OR1F1: variants seen among roughly 807,000 people sequenced by gnomAD.
OR1F1 encodes olfactory receptor 1F1.
For missense variants in OR1F1, 493 were observed against 376.3 expected, an observed-to-expected ratio of 1.31 and a Z score of -2.57; for synonymous variants, 184 against 156.7, an observed-to-expected ratio of 1.17 and a Z score of -1.30.
At chr16:3,205,269 G>A (rs1159152013), downstream of OR1F1, 2 of 966,472 alleles carry the variant, frequency 2.1e-6, no homozygotes, top group Admixed American at 5.0e-5. Context: ...TTCATTAAAT[G>A]ATGTTCTTGC....
At chr16:3,198,625 G>T in the OR1F1 span, among the ~76,000 whole-genome samples, 4 of 152,164 alleles carry the variant, frequency 2.6e-5, no homozygotes, top group Admixed American at 6.6e-5. Context: ...TGTACTTCAG[G>T]TGAAAGGGTA....
In OR1F1 at chr16:3,204,781, T is replaced by C. The variant is rs151087256; in HGVS notation, c.535T>C (p.Cys179Arg). The change falls in exon 1 of 1, where the codon TGC becomes CGC. Residue 179 changes from cysteine (C) to arginine (R), a missense_variant. By Grantham distance (180) the Cys-to-Arg change is radical. Coordinates refer to ENST00000304646, the Ensembl canonical transcript of OR1F1. The stretch of plus-strand genomic sequence containing the variant: ...AGACAATGCCATCACTCACTTCTTC[T>C]GCGATGTGACTCCCCTACTGAAACT... The C allele has an allele frequency of 4.4e-5, 71 of 1,614,142 alleles. 1 individual carries two copies. The highest frequency in any genetic ancestry group is 1.3e-4 in the African/African-American group (10 of 75,010).
At chr16:3,200,368 A>G (rs1958123101), upstream of OR1F1, among the ~76,000 whole-genome samples, 1 of 152,170 alleles carries the variant, frequency 6.6e-6, no homozygotes, top group Non-Finnish European at 1.5e-5. Context: ...CCACTTTCGG[A>G]GGCCGAGAGG....
At chr16:3,189,970 T>G in the OR1F1 span, among the ~76,000 whole-genome samples, 30 of 152,148 alleles carry the variant, frequency 2.0e-4, no homozygotes, top group African/African-American at 7.2e-4. Flanking sequence ...GTTTTGTTTT[T>G]TGTTACTTCT....
the OR1F1 span, among the ~76,000 whole-genome samples, chr16:3,198,640 C>T: frequency 1.3e-5 from 2 of 152,078 alleles, no homozygotes; most frequent in Non-Finnish European, 2.9e-5. Flanking sequence ...AGGGTAGTGG[C>T]GAGGTCCTGC....
upstream of OR1F1, among the ~76,000 whole-genome samples, chr16:3,200,294 G>A (rs1297866936): frequency 2.0e-5 from 3 of 152,094 alleles, no homozygotes; most frequent in Non-Finnish European, 2.9e-5. Flanking sequence ...TCTCCACCCA[G>A]GGATATGTTT....
At chr16:3,190,965 C>T in the OR1F1 span, among the ~76,000 whole-genome samples, 1 of 152,036 alleles carries the variant, frequency 6.6e-6, no homozygotes, top group Admixed American at 6.6e-5. Context: ...AAAAAACAAC[C>T]AAATAGTTCT....
the OR1F1 span, among the ~76,000 whole-genome samples, chr16:3,192,732 C>T: frequency 6.6e-6 from 1 of 152,074 alleles, no homozygotes; most frequent in African/African-American, 2.4e-5. Context: ...TAGAATCTCC[C>T]GGGCCGCCTC....
chr16:3,206,491 C>T (rs1567207954), downstream of OR1F1, among the ~76,000 whole-genome samples: 1 of 152,166 alleles, frequency 6.6e-6, no homozygotes, highest in Admixed American at 6.5e-5. Context: ...TAAAAACCTC[C>T]TGGTTTTGCG....
At chr16:3,192,059 C>A in the OR1F1 span, among the ~76,000 whole-genome samples, 13 of 152,108 alleles carry the variant, frequency 8.5e-5, no homozygotes, top group South Asian at 4.2e-4. Flanking sequence ...CCGGACGAGC[C>A]CCTCTTCTTA....
At chr16:3,195,657 C>G in the OR1F1 span, among the ~76,000 whole-genome samples, 3 of 128,162 alleles carry the variant, frequency 2.3e-5, no homozygotes, top group African/African-American at 6.3e-5. Flanking sequence ...ATTACAAGCC[C>G]GGGGGACAGA....
At chr16:3,195,109 C>A in the OR1F1 span, among the ~76,000 whole-genome samples, 4 of 152,218 alleles carry the variant, frequency 2.6e-5, no homozygotes, top group African/African-American at 9.6e-5. Flanking sequence ...CGCATCCCGG[C>A]CCAGGAGGGT....
At chr16:3,198,714 C>T in the OR1F1 span, among the ~76,000 whole-genome samples, 4 of 152,108 alleles carry the variant, frequency 2.6e-5, no homozygotes, top group African/African-American at 7.2e-5. Context: ...CAGCGGTGGA[C>T]GCGGTGGCTC....
chr16:3,204,576 G>A (rs1169775143), exon 1 of OR1F1: 39 of 1,614,148 alleles, frequency 2.4e-5, no homozygotes, highest in Non-Finnish European at 3.3e-5. Context: ...TCGTGGACAT[G>A]GACAATTTCC....
chr16:3,189,311 A>G, the OR1F1 span, among the ~76,000 whole-genome samples: 11 of 152,156 alleles, frequency 7.2e-5, no homozygotes, highest in East Asian at 2.1e-3. Flanking sequence ...TGCTATTGGG[A>G]GGTTCCCATG....
exon 1 of OR1F1, chr16:3,204,563 T>C (rs747854183): frequency 1.9e-6 from 3 of 1,614,210 alleles, no homozygotes; most frequent in Middle Eastern, 1.6e-4. Flanking sequence ...TTCGTTTTCA[T>C]GTTCGTGGAC....
At chr16:3,189,268 C>G in the OR1F1 span, among the ~76,000 whole-genome samples, 1 of 152,162 alleles carries the variant, frequency 6.6e-6, no homozygotes, top group Non-Finnish European at 1.5e-5. Context: ...TTGCAGTGAT[C>G]GAGGCTCGCA....
chr16:3,204,874 C>G (rs764702382), exon 1 of OR1F1: 1 of 1,614,162 alleles, frequency 6.2e-7, no homozygotes, highest in Non-Finnish European at 8.5e-7. Context: ...CATGATCACC[C>G]CATTTCTTTG....
upstream of OR1F1, among the ~76,000 whole-genome samples, chr16:3,203,359 C>A (rs552908812): frequency 6.6e-6 from 1 of 152,212 alleles, no homozygotes; most frequent in South Asian, 2.1e-4. Flanking sequence ...AGCCTCAAAG[C>A]TCCAGTGACG....
Sources: gnomAD v4.1 joint callset for allele counts (sites outside exome capture counted in the v4.1 genomes callset) on GRCh38, gnomAD v4.1.1 for gene constraint, MANE v1.5 for transcripts, NCBI Gene and HGNC (gene_info 2026-07-23, HGNC 2026-07-21) for gene names.